Variants in PRIMA1 observed in about 807,000 individuals in gnomAD.
PRIMA1 encodes proline-rich membrane anchor 1.
PRIMA1 carries 7 observed loss-of-function variants against 17.5 expected under a neutral mutation model. The observed-to-expected ratio is 0.40, with a 90% CI of 0.23 to 0.75. The LOEUF is 0.75. Ranked by LOEUF, PRIMA1 falls within the 30% of genes least tolerant of loss-of-function variation. The pLI, the probability that PRIMA1 is intolerant of heterozygous loss-of-function variation, is 0.37. For synonymous variants in PRIMA1, 97 were observed against 77.9 expected (o/e 1.25, Z -1.29); for missense variants, 200 against 201.8 (o/e 0.99, Z 0.05).
chr14:93,722,322 G>C (rs1336051791), intron 4 of PRIMA1, among the ~76,000 whole-genome samples: 547 of 6,902 alleles, frequency 0.079, 5 homozygotes, highest in Non-Finnish European at 0.1. Flanking sequence ...GGTGGTGGTG[G>C]TAGTGGTGAT....
chr14:93,762,426 A>C, intron 3 of PRIMA1, among the ~76,000 whole-genome samples: 1 of 151,390 alleles, frequency 6.6e-6, no homozygotes, highest in East Asian at 1.9e-4. Context: ...CCACCCCCCA[A>C]TCCCAGGCCC....
At chr14:93,769,709 C>T (rs186352134) in intron 3 of PRIMA1, among the ~76,000 whole-genome samples, 7 of 152,352 alleles carry the variant, frequency 4.6e-5, no homozygotes, top group Middle Eastern at 3.4e-3. Context: ...AGGCCTGGAC[C>T]TCCTCTTTTG....
chr14:93,736,086 C>T (rs181504221), intron 4 of PRIMA1, among the ~76,000 whole-genome samples: 1 of 152,224 alleles, frequency 6.6e-6, no homozygotes, highest in South Asian at 2.1e-4. Context: ...CAAAGAAGCA[C>T]AGACGGACCT....
chr14:93,742,909 T>C (rs1048138393), intron 3 of PRIMA1, among the ~76,000 whole-genome samples: 2 of 152,178 alleles, frequency 1.3e-5, no homozygotes, highest in East Asian at 3.8e-4. Flanking sequence ...TACATACTAA[T>C]GTATGACCCG....
At chr14:93,750,552 C>T (rs2076253439) in intron 3 of PRIMA1, among the ~76,000 whole-genome samples, 1 of 152,194 alleles carries the variant, frequency 6.6e-6, no homozygotes, top group Admixed American at 6.5e-5. Context: ...GGCCCACCAC[C>T]TGTTTTATAA....
chr14:93,751,209 T>C (rs1406003238), intron 3 of PRIMA1, among the ~76,000 whole-genome samples: 1 of 152,168 alleles, frequency 6.6e-6, no homozygotes, highest in African/African-American at 2.4e-5. Flanking sequence ...AGGGTGGCTA[T>C]GCACAAGGTG....
chr14:93,771,281 C>A (rs4500654), intron 3 of PRIMA1, among the ~76,000 whole-genome samples: 1 of 151,772 alleles, frequency 6.6e-6, no homozygotes, highest in Non-Finnish European at 1.5e-5. Context: ...AGCCCTGGTC[C>A]CTTGATTCTA....
At chr14:93,777,043 C>T (rs1277708708) in intron 3 of PRIMA1, among the ~76,000 whole-genome samples, 2 of 152,134 alleles carry the variant, frequency 1.3e-5, no homozygotes, top group African/African-American at 4.8e-5. Context: ...TGTATACACA[C>T]AAAATGAGTT....
At chr14:93,778,311 G>A (rs1022470035) in intron 3 of PRIMA1, among the ~76,000 whole-genome samples, 2 of 152,184 alleles carry the variant, frequency 1.3e-5, no homozygotes, top group Non-Finnish European at 2.9e-5. Context: ...GATATATAGA[G>A]GCCTCACAGT....
chr14:93,759,092 G>T (rs1163999303), intron 3 of PRIMA1, among the ~76,000 whole-genome samples: 1 of 152,174 alleles, frequency 6.6e-6, no homozygotes, highest in Non-Finnish European at 1.5e-5. Context: ...AGCAACGGGG[G>T]TCACTGAATT....
At chr14:93,737,405 G>T (rs1420389774) in intron 3 of PRIMA1, 35 bp from the exon 4 acceptor site, 95 of 1,607,178 alleles carry the variant, frequency 5.9e-5, no homozygotes, top group Non-Finnish European at 8.1e-5. Flanking sequence ...GTGTCACCTG[G>T]ATGAGCTGGT....
At chr14:93,784,213 C>G (rs1051397182) in intron 2 of PRIMA1, among the ~76,000 whole-genome samples, 2 of 152,208 alleles carry the variant, frequency 1.3e-5, no homozygotes, top group African/African-American at 4.8e-5. Context: ...ATTTGAAATT[C>G]AAAGTTAACT....
At position 93,733,864 on chromosome 14, in the gene PRIMA1, CTA is replaced by C. The variant is rs1471628311; in HGVS notation, c.359+3375_359+3376del. Among the ~76,000 whole-genome samples, 3 of 152,338 alleles carry C rather than the reference CTA, an allele frequency of 2.0e-5. No homozygotes were observed. In the East Asian group the frequency reaches 5.8e-4, roughly 29 times the overall value. Reference sequence around the variant, plus strand: ...CAGGCAGCTGGCCTGAGTGAGGATGCTATCTCTTACAGCCCCAGCTGAGGTCA... The same window carrying C: ...CAGGCAGCTGGCCTGAGTGAGGATGCTCTCTTACAGCCCCAGCTGAGGTCA... On this transcript the variant is annotated intron_variant, in intron 4 of 4. Transcript: ENST00000393140.
intron 3 of PRIMA1, among the ~76,000 whole-genome samples, chr14:93,768,513 C>T (rs1456752577): frequency 6.6e-6 from 1 of 152,008 alleles, no homozygotes; most frequent in African/African-American, 2.4e-5. Flanking sequence ...TTTTTAAAGC[C>T]CCCAGGTGTT....
At chr14:93,777,615 C>T (rs1885256808) in intron 3 of PRIMA1, among the ~76,000 whole-genome samples, 1 of 152,254 alleles carries the variant, frequency 6.6e-6, no homozygotes, top group Non-Finnish European at 1.5e-5. Context: ...GGATTACAGG[C>T]ATGAGCCACT....
intron 3 of PRIMA1, among the ~76,000 whole-genome samples, chr14:93,767,183 G>A (rs943996242): frequency 2.6e-5 from 4 of 152,196 alleles, no homozygotes; most frequent in South Asian, 4.1e-4. Flanking sequence ...AATAGCAAAC[G>A]TCACAACAGC....
intron 3 of PRIMA1, among the ~76,000 whole-genome samples, chr14:93,748,720 T>C (rs561364169): frequency 1.3e-5 from 2 of 152,260 alleles, no homozygotes; most frequent in Non-Finnish European, 2.9e-5. Flanking sequence ...TGCCTGGTGC[T>C]CTGTGCGCGG....
intron 3 of PRIMA1, among the ~76,000 whole-genome samples, chr14:93,764,652 A>G (rs1252843389): frequency 1.3e-5 from 2 of 152,126 alleles, no homozygotes; most frequent in Non-Finnish European, 2.9e-5. Context: ...TAAATATGTT[A>G]TTTAGGTCTC....
intron 4 of PRIMA1, among the ~76,000 whole-genome samples, chr14:93,722,590 T>C (rs1233321371): frequency 1.4e-5 from 2 of 142,264 alleles, no homozygotes; most frequent in Non-Finnish European, 3.2e-5. Context: ...CTGGTGGTGA[T>C]AGTGATGGTG....
Sources: gnomAD v4.1 joint callset for allele counts (sites outside exome capture counted in the v4.1 genomes callset) on GRCh38, gnomAD v4.1.1 for gene constraint, MANE v1.5 for transcripts, NCBI Gene and HGNC (gene_info 2026-07-23, HGNC 2026-07-21) for gene names.